The following CDH4 variants were observed in gnomAD, a reference collection of about 807,000 sequenced individuals.
The protein encoded by CDH4 is cadherin-4.
In CDH4, 33 loss-of-function variants were observed where a neutral mutation model predicts 86.0. The observed-to-expected ratio is 0.38, with a 90% CI of 0.29 to 0.51. The LOEUF is 0.51. Ranked by LOEUF, CDH4 falls within the 20% of genes least tolerant of loss-of-function variation. CDH4 has a pLI of 0.86. For synonymous variants in CDH4, 555 were observed against 549.4 expected, an observed-to-expected ratio of 1.01 and a Z score of -0.14; for missense variants, 1,114 against 1,307.4, an observed-to-expected ratio of 0.85 and a Z score of 2.28.
At chr20:61,761,721 T>C (rs2088635173) in intron 3 of CDH4, among the ~76,000 whole-genome samples, 1 of 152,114 alleles carries the variant, frequency 6.6e-6, no homozygotes, top group Admixed American at 6.5e-5. Context: ...CGGATTTTGT[T>C]AGTGAATAAC....
chr20:61,275,059 T>C (rs1188917255), intron 2 of CDH4, among the ~76,000 whole-genome samples: 123 of 88,892 alleles, frequency 1.4e-3, no homozygotes, highest in South Asian at 3.2e-3. Context: ...GAGTACCGTG[T>C]GCAGTTTGGG....
intron 2 of CDH4, among the ~76,000 whole-genome samples, chr20:61,669,431 G>A (rs2087362708): frequency 6.6e-6 from 1 of 152,222 alleles, no homozygotes; most frequent in African/African-American, 2.4e-5. Context: ...ACCCAGGAGG[G>A]AACTTAGGGT....
intron 2 of CDH4, among the ~76,000 whole-genome samples, chr20:61,655,964 T>A (rs1264544896): frequency 2.6e-5 from 4 of 152,218 alleles, no homozygotes; most frequent in Non-Finnish European, 4.4e-5. Context: ...TGTGAGAGGC[T>A]CGAGGGTGAC....
chr20:61,364,153 T>G (rs889582022), intron 2 of CDH4, among the ~76,000 whole-genome samples: 8 of 152,216 alleles, frequency 5.3e-5, no homozygotes. Flanking sequence ...CGATTCCAGC[T>G]GTGCTCTCTC....
chr20:61,614,224 A>G (rs1195300129), intron 2 of CDH4, among the ~76,000 whole-genome samples: 2 of 151,982 alleles, frequency 1.3e-5, no homozygotes, highest in African/African-American at 2.4e-5. Flanking sequence ...AGACCTAGAG[A>G]TTATGGGAAC....
intron 5 of CDH4, among the ~76,000 whole-genome samples, chr20:61,848,319 G>A (rs956619602): frequency 1.4e-4 from 21 of 152,048 alleles, no homozygotes; most frequent in African/African-American, 2.9e-4. Flanking sequence ...AGCCACCCAC[G>A]TGGCTTGCCA....
intron 3 of CDH4, among the ~76,000 whole-genome samples, chr20:61,758,256 T>G (rs2088589834): frequency 6.6e-6 from 1 of 152,024 alleles, no homozygotes; most frequent in Non-Finnish European, 1.5e-5. Flanking sequence ...CGTGAAAAAA[T>G]TCCCGTGGGA....
chr20:61,925,908 C>T (rs2055040073), intron 11 of CDH4, among the ~76,000 whole-genome samples: 2 of 152,202 alleles, frequency 1.3e-5, no homozygotes, highest in Non-Finnish European at 2.9e-5. Context: ...GCAAGTCCTC[C>T]ACCCACAGCT....
At position 61,337,237 on chromosome 20, in the gene CDH4, T is replaced by C. The variant is rs566948566; in HGVS notation, c.169+82300T>C. ...GCTGGCAGAGTGCATTGTTAGGCAA[T>C]GGTGGTGGTGAAGATGATGGTGATG... On this transcript the variant is annotated intron_variant, in intron 2 of 15. Coordinates refer to ENST00000614565, the MANE Select transcript of CDH4 (RefSeq NM_001794.5). Among the ~76,000 whole-genome samples the C allele has an allele frequency of 6.3e-4, 3 of 4,736 alleles. No individual in the cohort carries two copies. In the South Asian group the frequency reaches 0.025, roughly 39 times the overall value. The allele number at this position is 4,736 out of a possible 152,430, so 3.1% of individuals were successfully genotyped here. A position where few individuals can be genotyped will look rare whatever the true frequency, so the allele number is the denominator to read the frequency against.
intron 2 of CDH4, among the ~76,000 whole-genome samples, chr20:61,625,452 T>C (rs181283215): frequency 1.2e-4 from 19 of 152,252 alleles, no homozygotes; most frequent in Admixed American, 1.1e-3. Flanking sequence ...GTCTGCGTGA[T>C]AGTTTGTTCC....
chr20:61,747,217 G>A (rs1438669932), intron 3 of CDH4, among the ~76,000 whole-genome samples: 9 of 152,270 alleles, frequency 5.9e-5, no homozygotes, highest in Non-Finnish European at 1.2e-4. Context: ...CGAGGCGGGC[G>A]GATCATGAGG....
intron 4 of CDH4, among the ~76,000 whole-genome samples, chr20:61,788,736 G>A (rs941211446): frequency 1.3e-5 from 2 of 152,206 alleles, no homozygotes; most frequent in East Asian, 1.9e-4. Flanking sequence ...AGAGACCTAA[G>A]GAGGGAAAGC....
chr20:61,898,493 A>G (rs1262861414), intron 8 of CDH4, among the ~76,000 whole-genome samples: 1 of 152,088 alleles, frequency 6.6e-6, no homozygotes, highest in African/African-American at 2.4e-5. Context: ...CCTCCTATTA[A>G]CACCGATGGG....
At chr20:61,614,420 A>T (rs545649829) in intron 2 of CDH4, among the ~76,000 whole-genome samples, 1 of 152,208 alleles carries the variant, frequency 6.6e-6, no homozygotes, top group South Asian at 2.1e-4. Context: ...TTGTCTGTCC[A>T]GTAAACTTAA....
intron 2 of CDH4, among the ~76,000 whole-genome samples, chr20:61,491,109 T>C (rs1395358015): frequency 1.3e-5 from 2 of 152,274 alleles, no homozygotes; most frequent in Non-Finnish European, 2.9e-5. Context: ...GCATATGGTA[T>C]AGCCAACACC....
chr20:61,513,687 A>G (rs2085796707), intron 2 of CDH4, among the ~76,000 whole-genome samples: 1 of 152,218 alleles, frequency 6.6e-6, no homozygotes. Context: ...ACAATTTTAA[A>G]AAGCATCTGA....
At position 61,681,457 on chromosome 20, in the gene CDH4, G is replaced by A. The variant is rs1008428771; in HGVS notation, c.170-62106G>A. On this transcript the variant is annotated intron_variant, in intron 2 of 15. Coordinates refer to ENST00000614565, the MANE Select transcript of CDH4 (RefSeq NM_001794.5). The surrounding 1 kb of genome is among the most constrained non-coding windows in gnomAD (Gnocchi z 4.5). ...ACTGTGTGCGTATTTCAAGGGATCT[G>A]TTGGCTTCTGAGCTCTTGTTCTGAG... is the stretch of plus-strand genomic sequence containing the variant. Among the ~76,000 whole-genome samples, 1 of 152,148 alleles carries A rather than the reference G, an allele frequency of 6.6e-6. No individual in the cohort carries two copies. The highest frequency in any genetic ancestry group is 1.5e-5 in the Non-Finnish European group (1 of 68,028).
intron 2 of CDH4, among the ~76,000 whole-genome samples, chr20:61,315,773 A>G (rs1376217400): frequency 6.6e-6 from 1 of 152,234 alleles, no homozygotes; most frequent in East Asian, 1.9e-4. Context: ...GTGCGATCAT[A>G]GCTCACTACA....
chr20:61,922,190 G>A (rs1028391141), intron 9 of CDH4, among the ~76,000 whole-genome samples: 1 of 152,178 alleles, frequency 6.6e-6, no homozygotes, highest in Non-Finnish European at 1.5e-5. Context: ...ATGTTACTTT[G>A]CACGTATCTA....
Sources: allele counts gnomAD v4.1 joint callset (sites outside exome capture counted in the v4.1 genomes callset), GRCh38; gene constraint gnomAD v4.1.1; non-coding constraint Gnocchi (gnomAD v3.1); transcripts MANE v1.5; gene names NCBI Gene and HGNC (gene_info 2026-07-23, HGNC 2026-07-21).